FOXF1: variants seen among roughly 807,000 people sequenced by gnomAD.
The protein encoded by FOXF1 is forkhead box F1.
In FOXF1, 9 loss-of-function variants were observed where a neutral mutation model predicts 26.6. That is an observed-to-expected ratio of 0.34 (90% CI 0.20 to 0.59). The LOEUF (loss-of-function observed/expected upper bound fraction) is 0.59, where lower values mean the gene tolerates loss of function less well. Ranked by LOEUF, FOXF1 falls within the 20% of genes least tolerant of loss-of-function variation. FOXF1 has a pLI of 0.83. For synonymous variants in FOXF1, 330 were observed against 257.7 expected, an observed-to-expected ratio of 1.28 and a Z score of -2.69; for missense variants, 499 against 549.9, an observed-to-expected ratio of 0.91 and a Z score of 0.93.
At position 86,513,207 on chromosome 16, in the gene FOXF1, C is replaced by T. The variant is rs1969596031; in HGVS notation, c.*122C>T. 1 of 1,091,244 alleles carries T rather than the reference C, an allele frequency of 9.2e-7. No homozygotes were observed. Among genetic ancestry groups the T allele is most frequent in the Non-Finnish European group, 1.3e-6 (1 of 757,364 alleles). 67.6% of individuals were successfully genotyped at this position (1,091,244 alleles called of 1,614,324 possible). A position where few individuals can be genotyped will look rare whatever the true frequency, so the allele number is the denominator to read the frequency against. On this transcript the variant is annotated 3_prime_UTR_variant, in exon 2 of 2. Transcript: ENST00000262426. ...CAGAAGAAAAGGGTTCCACCTCTCCCCAACCGGAGTTTTTGGCAAGGAGTC... is the reference window on the plus strand; with the variant it reads ...CAGAAGAAAAGGGTTCCACCTCTCCTCAACCGGAGTTTTTGGCAAGGAGTC...
At position 86,514,552 on chromosome 16, in the gene FOXF1, T is replaced by G. The variant is rs1969618759; in HGVS notation, c.*1467T>G. 6.6e-6 allele frequency: 1 copy of G among 152,212 alleles called. No homozygotes were observed. Among genetic ancestry groups the G allele is most frequent in the Non-Finnish European group, 1.5e-5 (1 of 68,040 alleles). 9.4% of individuals were successfully genotyped at this position (152,212 alleles called of 1,614,324 possible). On this transcript the variant is annotated 3_prime_UTR_variant, in exon 2 of 2. Coordinates refer to ENST00000262426, the MANE Select transcript of FOXF1 (RefSeq NM_001451.3). ...AACAGGCTTTGGATCTCTAGACGCT[T>G]AAAAATTTACAATCTGGGTGATTCT...
chr16:86,511,165 T>C lies in FOXF1; in HGVS notation c.596T>C (p.Leu199Ser). ...GGCCTGGGCATGATGAACGGCCACT[T>C]GCCGGGCAACGTGGACGGCATGGCC... ...EGGLGMMNGH[L>S]PGNVDGMALP... is the part of the protein sequence containing the mutation. Residue 199 changes from leucine to serine, a missense_variant, in exon 1 of 2, where the codon TTG becomes TCG. Physicochemically the swap from Leu to Ser is moderately radical, Grantham distance 145. Coordinates refer to ENST00000262426, the MANE Select transcript of FOXF1 (RefSeq NM_001451.3). 1 of 1,591,468 alleles carries C rather than the reference T, an allele frequency of 6.3e-7. No homozygotes were observed. The highest frequency in any genetic ancestry group is 2.3e-5 in the East Asian group (1 of 43,884).
At position 86,513,355 on chromosome 16, in the gene FOXF1, T is replaced by G; in HGVS notation, c.*270T>G. Reference sequence around the variant, plus strand: ...ATCGGTAAATAAAAGTTTTTGATCCTGTTGAACCCGCCTGAGACGGTGCTG... The same window carrying G: ...ATCGGTAAATAAAAGTTTTTGATCCGGTTGAACCCGCCTGAGACGGTGCTG... On this transcript the variant is annotated 3_prime_UTR_variant, in exon 2 of 2. Coordinates refer to ENST00000262426, the MANE Select transcript of FOXF1 (RefSeq NM_001451.3). The G allele has an allele frequency of 2.1e-6, 1 of 486,468 alleles. No individual in the cohort carries two copies. The highest frequency in any genetic ancestry group is 2.1e-5 in the South Asian group (1 of 47,930). 30.1% of individuals were successfully genotyped at this position (486,468 alleles called of 1,614,324 possible).
intron 1 of FOXF1, among the ~76,000 whole-genome samples, chr16:86,512,429 C>CG (rs1231880264): frequency 2.6e-5 from 4 of 152,178 alleles, no homozygotes; most frequent in Non-Finnish European, 4.4e-5. Context: ...AGCCTCTCTG[C>CG]GGGGGACTCC....
In FOXF1 at chr16:86,511,058, C is replaced by T. The variant is rs753666787; in HGVS notation, c.489C>T (p.Phe163=). 6.2e-7 allele frequency: 1 copy of T among 1,610,992 alleles called. No homozygotes were observed. The highest frequency in any genetic ancestry group is 8.5e-7 in the Non-Finnish European group (1 of 1,179,956). The change falls in exon 1 of 2, where the codon TTC becomes TTT. Residue 163 remains phenylalanine, a synonymous_variant. Transcript: ENST00000262426. Reference sequence around the variant, plus strand: ...ACAGCATGATGAACGGGCTCGGCTTCAACCACCTCCCGGACACCTACGGCT... The same window carrying T: ...ACAGCATGATGAACGGGCTCGGCTTTAACCACCTCCCGGACACCTACGGCT... ...PMYSMMNGLG[F]NHLPDTYGFQ...
rs777678865 is a variant in FOXF1 at position 86,510,606 on chromosome 16, G to T, written c.37G>T (p.Gly13Cys). The T allele has an allele frequency of 1.6e-6, 2 of 1,226,218 alleles. No individual in the cohort carries two copies. The highest frequency in any genetic ancestry group is 3.2e-5 in the African/African-American group (2 of 62,424). 76.0% of individuals were successfully genotyped at this position (1,226,218 alleles called of 1,614,324 possible). The change falls in exon 1 of 2, where the codon GGC (glycine) becomes TGC (cysteine). Residue 13 changes from glycine to cysteine, a missense_variant. Gly to Cys is a radical substitution (Grantham distance 159, BLOSUM62 -3). Transcript: ENST00000262426. ...GCCCGAGAAGCAGCAGCCACCGCACGGCGGCGGCGGCGGCGGCGGCGGGGG... is the reference window on the plus strand; with the variant it reads ...GCCCGAGAAGCAGCAGCCACCGCACTGCGGCGGCGGCGGCGGCGGCGGGGG... ...SAPEKQQPPH[G>C]GGGGGGGGGG...
rs761162914 is a variant in FOXF1, at chr16:86,512,933, C to T, written c.988C>T (p.Arg330Trp). 9.9e-6 allele frequency: 16 copies of T among 1,614,150 alleles called. No homozygotes were observed. The highest frequency in any genetic ancestry group is 1.3e-5 in the Non-Finnish European group (15 of 1,180,046). ...NAPAELQGIP[R>W]YHSQSPSMCD... ...GTCGCCTCGCCTTGCAGGCATCCCG[C>T]GGTATCACTCGCAGTCGCCCAGCAT... The change falls in exon 2 of 2, where the codon CGG becomes TGG. Residue 330 changes from arginine (R) to tryptophan (W), a missense_variant. Physicochemically the swap from Arg to Trp is moderately radical, Grantham distance 101 (BLOSUM62 -3). Coordinates refer to ENST00000262426, the MANE Select transcript of FOXF1 (RefSeq NM_001451.3).
At position 86,513,091 on chromosome 16, in the gene FOXF1, C is replaced by A. The variant is rs764246639; in HGVS notation, c.*6C>A. 1.9e-6 allele frequency: 3 copies of A among 1,609,732 alleles called. No individual in the cohort carries two copies. The African/African-American group carries it at 4.0e-5, about 21-fold the overall frequency. ...TCAAGCCTTGCGTGATGTGAGGCTG[C>A]CGCCGCAGGCCCTCCTGGTGCAGGC... On this transcript the variant is annotated 3_prime_UTR_variant, in exon 2 of 2. Coordinates refer to ENST00000262426, the MANE Select transcript of FOXF1 (RefSeq NM_001451.3).
chr16:86,511,932 C>G (rs141540189), intron 1 of FOXF1, among the ~76,000 whole-genome samples: 208 of 152,314 alleles, frequency 1.4e-3, no homozygotes, highest in African/African-American at 4.8e-3. Context: ...AGATGGCTGT[C>G]CCTCCCTGGT....
rs1969597917 is a variant in FOXF1, at chr16:86,513,337, A to G, written c.*252A>G. 2 of 527,556 alleles carry G rather than the reference A, an allele frequency of 3.8e-6. No homozygotes were observed. Among genetic ancestry groups the G allele is most frequent in the Non-Finnish European group, 6.8e-6 (2 of 292,200 alleles). 32.7% of individuals were successfully genotyped at this position (527,556 alleles called of 1,614,324 possible). On this transcript the variant is annotated 3_prime_UTR_variant, in exon 2 of 2. Coordinates refer to ENST00000262426, the MANE Select transcript of FOXF1 (RefSeq NM_001451.3). Reference sequence around the variant, plus strand: ...TCTGATCTGACTGCAGCCATCGGTAAATAAAAGTTTTTGATCCTGTTGAAC... The same window carrying G: ...TCTGATCTGACTGCAGCCATCGGTAGATAAAAGTTTTTGATCCTGTTGAAC...
In FOXF1 at chr16:86,511,263, G is replaced by A; in HGVS notation, c.694G>A (p.Ala232Thr). ...GTACATGGGCGGCTGCGGCGGCGCG[G>A]CGGCCGGCGAGTACCCGCACCACGA... ...HSYMGGCGGA[A>T]AGEYPHHDSS... Residue 232 changes from alanine (A) to threonine (T), a missense_variant, in exon 1 of 2, where the codon GCG becomes ACG. Coordinates refer to ENST00000262426, the MANE Select transcript of FOXF1 (RefSeq NM_001451.3). 6.6e-7 allele frequency: 1 copy of A among 1,520,116 alleles called. No individual in the cohort carries two copies. The highest frequency in any genetic ancestry group is 8.8e-7 in the Non-Finnish European group (1 of 1,140,478). 94.2% of individuals were successfully genotyped at this position (1,520,116 alleles called of 1,614,324 possible). A position where few individuals can be genotyped will look rare whatever the true frequency, so the allele number is the denominator to read the frequency against.
rs527370416 is a variant in FOXF1 at position 86,513,455 on chromosome 16, G to A, written c.*370G>A. On this transcript the variant is annotated 3_prime_UTR_variant, in exon 2 of 2. Coordinates refer to ENST00000262426, the MANE Select transcript of FOXF1 (RefSeq NM_001451.3). ...CTCCTTCCGGCCAATGGCAGAAGTG[G>A]GGGAAAATTTTTAGAAGAAAAGCAA... is the stretch of plus-strand genomic sequence containing the variant. The A allele has an allele frequency of 3.7e-4, 98 of 261,560 alleles. No individual in the cohort carries two copies. Among genetic ancestry groups the A allele is most frequent in the Admixed American group, 7.9e-4 (16 of 20,322 alleles). The allele number at this position is 261,560 out of a possible 1,614,324, so 16.2% of individuals were successfully genotyped here. A position where few individuals can be genotyped will look rare whatever the true frequency, so the allele number is the denominator to read the frequency against.
At chr16:86,511,904 A>T (rs1475494141) in intron 1 of FOXF1, among the ~76,000 whole-genome samples, 1 of 152,162 alleles carries the variant, frequency 6.6e-6, no homozygotes, top group Non-Finnish European at 1.5e-5. Context: ...GATGGACCCA[A>T]GGCTCCCAGC....
rs768235643 is a variant in FOXF1 at position 86,510,755 on chromosome 16, G to C, written c.186G>C (p.Gln62His). Reference sequence around the variant, plus strand: ...TCGCGCTCATCGTCATGGCCATCCAGAGTTCACCCACCAAGCGCCTGACGC... The same window carrying C: ...TCGCGCTCATCGTCATGGCCATCCACAGTTCACCCACCAAGCGCCTGACGC... Reference protein sequence around the residue: ...SYIALIVMAIQSSPTKRLTLS... With the variant: ...SYIALIVMAIHSSPTKRLTLS... The change falls in exon 1 of 2, where the codon CAG (glutamine) becomes CAC (histidine). Residue 62 changes from glutamine (Q) to histidine (H), a missense_variant. Gln to His is a conservative substitution (Grantham distance 24). Coordinates refer to ENST00000262426, the MANE Select transcript of FOXF1 (RefSeq NM_001451.3). 9.3e-6 allele frequency: 15 copies of C among 1,614,132 alleles called. No homozygotes were observed. Among genetic ancestry groups the C allele is most frequent in the South Asian group, 1.1e-5 (1 of 91,084 alleles).
chr16:86,512,805 C>T, intron 1 of FOXF1, 120 bp from the exon 2 acceptor site: 1 of 1,227,782 alleles, frequency 8.1e-7, no homozygotes, highest in East Asian at 2.4e-5. Flanking sequence ...CGGCCGTGCT[C>T]TGGAGCCAGG....
chr16:86,512,826 C>T, intron 1 of FOXF1, 99 bp from the exon 2 acceptor site: 1 of 1,431,936 alleles, frequency 7.0e-7, no homozygotes, highest in Non-Finnish European at 9.7e-7. Context: ...CTGACAGGCC[C>T]TGTGCGCCCC....
rs751403274 is a variant in FOXF1, at chr16:86,513,092, C to T, written c.*7C>T. 23 of 1,609,898 alleles carry T rather than the reference C, an allele frequency of 1.4e-5. No homozygotes were observed. Among genetic ancestry groups the T allele is most frequent in the Middle Eastern group, 1.6e-4 (1 of 6,084 alleles). On this transcript the variant is annotated 3_prime_UTR_variant, in exon 2 of 2. Transcript: ENST00000262426. Reference sequence around the variant, plus strand: ...CAAGCCTTGCGTGATGTGAGGCTGCCGCCGCAGGCCCTCCTGGTGCAGGCA... The same window carrying T: ...CAAGCCTTGCGTGATGTGAGGCTGCTGCCGCAGGCCCTCCTGGTGCAGGCA...
At position 86,513,141 on chromosome 16, in the gene FOXF1, C is replaced by A; in HGVS notation, c.*56C>A. ...CAGGCGGGTCACAGGGACCCTGGACCGGCACAAGAAACTGCTTTCTTCTCG... is the reference window on the plus strand; with the variant it reads ...CAGGCGGGTCACAGGGACCCTGGACAGGCACAAGAAACTGCTTTCTTCTCG... On this transcript the variant is annotated 3_prime_UTR_variant, in exon 2 of 2. Transcript: ENST00000262426. 2 of 1,579,596 alleles carry A rather than the reference C, an allele frequency of 1.3e-6. No individual in the cohort carries two copies. The highest frequency in any genetic ancestry group is 1.7e-6 in the Non-Finnish European group (2 of 1,159,692).
intron 1 of FOXF1, 96 bp downstream of exon 1, chr16:86,511,644 G>C: frequency 6.6e-7 from 1 of 1,517,222 alleles, no homozygotes. Flanking sequence ...TTCTGTGGTC[G>C]GAACCCCAAG....
Sources: allele counts gnomAD v4.1 joint callset (sites outside exome capture counted in the v4.1 genomes callset), GRCh38; gene constraint gnomAD v4.1.1; transcripts MANE v1.5; gene names NCBI Gene and HGNC (gene_info 2026-07-23, HGNC 2026-07-21).